Variants in CAMTA1 observed in about 807,000 individuals in gnomAD.
CAMTA1 encodes the protein calmodulin binding transcription activator 1.
CAMTA1 carries 27 observed loss-of-function variants against 170.9 expected under a neutral mutation model. The ratio of observed to expected loss-of-function variants is 0.16; its 90% confidence interval spans 0.12 to 0.22. The LOEUF is 0.22. CAMTA1 is among the 10% of genes least tolerant of loss of function. The pLI is 1.00. For synonymous variants in CAMTA1, 833 were observed against 891.5 expected (o/e 0.93, Z 1.17); for missense variants, 1,619 against 2,217.2 (o/e 0.73, Z 5.42).
At chr1:7,084,376 C>T (rs1479337623) in intron 3 of CAMTA1, among the ~76,000 whole-genome samples, 2 of 152,166 alleles carry the variant, frequency 1.3e-5, no homozygotes, top group African/African-American at 4.8e-5. Context: ...AGGCTGATCT[C>T]TCTGGGCTGG....
intron 19 of CAMTA1, chr1:7,749,635 G>A (rs1013124118): frequency 1.5e-5 from 5 of 341,304 alleles, no homozygotes; most frequent in Admixed American, 3.8e-5. Flanking sequence ...CAAATATTTT[G>A]GAAGATGGAA....
At position 7,067,428 on chromosome 1, in the gene CAMTA1, T is replaced by C. The variant is rs1709102402; in HGVS notation, c.235-23876T>C. 1.3e-5 allele frequency among the ~76,000 whole-genome samples: 2 copies of C among 152,072 alleles called. No individual in the cohort carries two copies. The highest frequency in any genetic ancestry group is 4.8e-5 in the African/African-American group (2 of 41,366). On this transcript the variant is annotated intron_variant, in intron 3 of 22. Transcript: ENST00000303635. This position sits in a 1 kb window ranked among gnomAD's most constrained non-coding sequence, Gnocchi z 4.3. ...GTTCTTACTTGCTGAATTCTTCTTC[T>C]TCTTCTTCTGCTTCTCTGAGATCTG...
intron 3 of CAMTA1, among the ~76,000 whole-genome samples, chr1:6,885,888 G>A (rs879369789): frequency 1.3e-4 from 20 of 152,168 alleles, no homozygotes; most frequent in Non-Finnish European, 2.6e-4. Flanking sequence ...CTGGAGGGCA[G>A]CCCGCATGCC....
chr1:7,187,236 C>T (rs1021594727), intron 4 of CAMTA1, among the ~76,000 whole-genome samples: 1 of 152,070 alleles, frequency 6.6e-6, no homozygotes, highest in South Asian at 2.1e-4. Flanking sequence ...AGAATCCTGA[C>T]CAGTGCCAGC....
intron 11 of CAMTA1, among the ~76,000 whole-genome samples, chr1:7,717,461 T>G (rs1410849796): frequency 6.6e-6 from 1 of 152,096 alleles, no homozygotes; most frequent in Admixed American, 6.6e-5. Flanking sequence ...CAAAAAAATT[T>G]GAGGCCAGGC....
In CAMTA1 at chr1:7,752,445, T is replaced by G. The variant is rs930616347; in HGVS notation, c.4884-14T>G. On this transcript the variant is annotated splice_polypyrimidine_tract_variant and intron_variant, in intron 20 of 22. Transcript: ENST00000303635. ...TGTAACCTTCTTGTGACAATAATAT[T>G]CTGACTTTTTCAGGAGCAGTTTGCT... is the stretch of plus-strand genomic sequence containing the variant. 5 of 1,612,536 alleles carry G rather than the reference T, an allele frequency of 3.1e-6. No individual in the cohort carries two copies. Among genetic ancestry groups the G allele is most frequent in the Admixed American group, 1.7e-5 (1 of 59,996 alleles).
intron 6 of CAMTA1, among the ~76,000 whole-genome samples, chr1:7,540,630 G>A (rs996014067): frequency 6.6e-6 from 1 of 152,112 alleles, no homozygotes; most frequent in Non-Finnish European, 1.5e-5. Context: ...CCCCAAAACC[G>A]CCCACCTCTG....
chr1:6,808,131 G>A (rs1287936552), intron 1 of CAMTA1, among the ~76,000 whole-genome samples: 1 of 152,002 alleles, frequency 6.6e-6, no homozygotes, highest in Non-Finnish European at 1.5e-5. Context: ...GGGTAGGTAA[G>A]CCTCGGAAAG....
At chr1:7,244,364 C>T (rs1392171597) in intron 4 of CAMTA1, among the ~76,000 whole-genome samples, 2 of 152,184 alleles carry the variant, frequency 1.3e-5, no homozygotes, top group Non-Finnish European at 2.9e-5. Context: ...CCAGAAATAC[C>T]ATTTGACCTA....
At chr1:7,716,930 C>CT (rs2096614503) in intron 11 of CAMTA1, among the ~76,000 whole-genome samples, 1 of 152,174 alleles carries the variant, frequency 6.6e-6, no homozygotes. Flanking sequence ...CAGTGGAGTA[C>CT]TATTCAGCCA....
intron 5 of CAMTA1, among the ~76,000 whole-genome samples, chr1:7,429,119 G>T (rs1421965432): frequency 6.6e-6 from 1 of 152,052 alleles, no homozygotes; most frequent in African/African-American, 2.4e-5. Context: ...GAGCCATAAT[G>T]ACCTGGGTTG....
intron 11 of CAMTA1, among the ~76,000 whole-genome samples, chr1:7,708,306 G>C (rs2096542541): frequency 6.6e-6 from 1 of 151,936 alleles, no homozygotes; most frequent in South Asian, 2.1e-4. Flanking sequence ...ACTCCATCCT[G>C]AGCAACAGAG....
chr1:7,175,598 G>C (rs1331332641), intron 4 of CAMTA1, among the ~76,000 whole-genome samples: 1 of 152,256 alleles, frequency 6.6e-6, no homozygotes, highest in East Asian at 1.9e-4. Flanking sequence ...GCTGCAGGCT[G>C]GGGAGGAGCA....
intron 22 of CAMTA1, among the ~76,000 whole-genome samples, chr1:7,763,138 T>G (rs2096988327): frequency 6.6e-6 from 1 of 152,212 alleles, no homozygotes; most frequent in African/African-American, 2.4e-5. Context: ...AATCTCAGAT[T>G]CTGCATTTAC....
chr1:7,054,008 T>C (rs971608615), intron 3 of CAMTA1, among the ~76,000 whole-genome samples: 2 of 152,232 alleles, frequency 1.3e-5, no homozygotes, highest in Non-Finnish European at 2.9e-5. Context: ...GCTGCACATG[T>C]GTCCTGGGCT....
chr1:7,393,386 C>T (rs995956787), intron 5 of CAMTA1, among the ~76,000 whole-genome samples: 19 of 152,138 alleles, frequency 1.2e-4, no homozygotes, highest in African/African-American at 4.6e-4. Context: ...TAGTCTCAGC[C>T]TTTCGAGTAG....
chr1:7,417,120 T>G (rs1266338965), intron 5 of CAMTA1, among the ~76,000 whole-genome samples: 2 of 152,258 alleles, frequency 1.3e-5, no homozygotes, highest in African/African-American at 4.8e-5. Flanking sequence ...TGCTGCTGCC[T>G]GATCGTTCCT....
chr1:7,737,474 C>T lies in CAMTA1; in HGVS notation c.3562C>T (p.Pro1188Ser), dbSNP rs61743209. The change falls in exon 15 of 23, where the codon CCC (proline) becomes TCC (serine). Residue 1188 changes from proline to serine, a missense_variant. Around this residue, in one of 8 missense-constraint regions of CAMTA1, gnomAD observed 370 missense variants for 429.4 expected, o/e 0.86. Transcript: ENST00000303635. Reference protein sequence around the residue: ...PRIHCPASEEPSTESWMAQWH... With the variant: ...PRIHCPASEESSTESWMAQWH... ...AATCCACTGTCCTGCAAGCGAAGAG[C>T]CCAGCACAGAGAGCTGGATGGCCCA... 4,986 of 1,614,060 alleles carry T rather than the reference C, an allele frequency of 3.1e-3. 139 individuals carry two copies. The Admixed American group carries it at 0.053, about 17-fold the overall frequency.
intron 4 of CAMTA1, among the ~76,000 whole-genome samples, chr1:7,230,339 A>G (rs1000957735): frequency 1.2e-4 from 18 of 150,044 alleles, no homozygotes; most frequent in African/African-American, 4.5e-4. Flanking sequence ...CTTTGAGGGC[A>G]CTGGCAACCC....
Sources: allele counts gnomAD v4.1 joint callset (sites outside exome capture counted in the v4.1 genomes callset), GRCh38; gene constraint gnomAD v4.1.1; regional missense constraint gnomAD v4.1.1; non-coding constraint Gnocchi (gnomAD v3.1); transcripts MANE v1.5; gene names NCBI Gene and HGNC (gene_info 2026-07-23, HGNC 2026-07-21).